WNK1: variants seen among roughly 807,000 people sequenced by gnomAD.
WNK1 encodes WNK lysine deficient protein kinase 1.
WNK1 carries 38 observed loss-of-function variants against 222.8 expected under a neutral mutation model. The observed-to-expected ratio is 0.17, with a 90% CI of 0.13 to 0.22. WNK1 has a LOEUF of 0.22. WNK1 is among the 10% of genes least tolerant of loss of function. WNK1 has a pLI of 1.00. For missense variants in WNK1, 2,348 were observed against 2,918.4 expected, an observed-to-expected ratio of 0.80 and a Z score of 4.50; for synonymous variants, 1,090 against 1,092.9, an observed-to-expected ratio of 1.00 and a Z score of 0.05.
chr12:836,788 G>T (rs1227832714), intron 4 of WNK1, among the ~76,000 whole-genome samples: 2 of 152,112 alleles, frequency 1.3e-5, no homozygotes, highest in Non-Finnish European at 2.9e-5. Context: ...AATTTTTGAA[G>T]TTTGTTTATA....
intron 22 of WNK1, among the ~76,000 whole-genome samples, chr12:894,160 A>G (rs1307587052): frequency 2.6e-5 from 4 of 151,844 alleles, no homozygotes; most frequent in African/African-American, 9.7e-5. Context: ...GGAGGTTGCA[A>G]TGAGCTGAGA....
intron 4 of WNK1, among the ~76,000 whole-genome samples, chr12:856,470 T>C (rs6489758): frequency 6.9e-6 from 1 of 144,248 alleles, no homozygotes; most frequent in East Asian, 2.0e-4. Context: ...AAAAAAAAAA[T>C]AAGAAAGAAT....
At chr12:850,064 A>G (rs1208609505) in intron 4 of WNK1, among the ~76,000 whole-genome samples, 2 of 151,952 alleles carry the variant, frequency 1.3e-5, no homozygotes, top group Non-Finnish European at 2.9e-5. Flanking sequence ...ATGATTTATA[A>G]TCCTTTGGGT....
At chr12:824,835 C>T (rs1948225363) in intron 2 of WNK1, among the ~76,000 whole-genome samples, 1 of 151,934 alleles carries the variant, frequency 6.6e-6, no homozygotes, top group African/African-American at 2.4e-5. Flanking sequence ...AGTGAGCACA[C>T]ACTCAGCACC....
intron 1 of WNK1, among the ~76,000 whole-genome samples, chr12:796,483 A>G (rs903841794): frequency 1.4e-4 from 22 of 152,144 alleles, no homozygotes; most frequent in African/African-American, 5.3e-4. Flanking sequence ...GAATATAATC[A>G]GAATTCTTAA....
At chr12:886,646 A>C (rs72650737) in intron 19 of WNK1, among the ~76,000 whole-genome samples, 1 of 152,228 alleles carries the variant, frequency 6.6e-6, no homozygotes, top group African/African-American at 2.4e-5. Context: ...CACCTTCTCC[A>C]AATAACAAGG....
At chr12:817,473 T>C (rs1001100197) in intron 2 of WNK1, among the ~76,000 whole-genome samples, 1 of 152,228 alleles carries the variant, frequency 6.6e-6, no homozygotes, top group Non-Finnish European at 1.5e-5. Flanking sequence ...AATGGATAAC[T>C]AGGACCATTG....
intron 4 of WNK1, among the ~76,000 whole-genome samples, chr12:856,119 G>A (rs1170078520): frequency 1.3e-5 from 2 of 151,792 alleles, no homozygotes; most frequent in Non-Finnish European, 2.9e-5. Context: ...GATTACAGGT[G>A]TGAGCCACGG....
At chr12:790,536 A>G (rs899723960) in intron 1 of WNK1, among the ~76,000 whole-genome samples, 4 of 152,126 alleles carry the variant, frequency 2.6e-5, no homozygotes, top group Non-Finnish European at 4.4e-5. Flanking sequence ...AGGATAGTAA[A>G]CATACTTAAC....
chr12:867,789 A>T (rs1157089473), intron 8 of WNK1: 1 of 1,520,846 alleles, frequency 6.6e-7, no homozygotes, highest in Non-Finnish European at 9.1e-7. Context: ...GGTTACACAG[A>T]ACTACCCAGT....
At position 880,837 on chromosome 12, in the gene WNK1, A is replaced by C. The variant is rs995813769; in HGVS notation, c.2949A>C (p.Glu983Asp). 7 of 1,614,072 alleles carry C rather than the reference A, an allele frequency of 4.3e-6. No individual in the cohort carries two copies. In the Admixed American group the frequency reaches 1.2e-4, roughly 27 times the overall value. ...TCCTATCCCCTCCCATGCCGACAGA[A>C]GTACTGGCTACACCTGGGTACTTTC... is the stretch of plus-strand genomic sequence containing the variant. ...STVLSPPMPT[E>D]VLATPGYFPT... Residue 983 changes from glutamate to aspartate, a missense_variant, in exon 12 of 28, where the codon GAA becomes GAC. Physicochemically the swap from Glu to Asp is conservative, Grantham distance 45. Coordinates refer to ENST00000315939, the MANE Select transcript of WNK1 (RefSeq NM_018979.4).
chr12:875,031 A>G (rs1400797378), intron 9 of WNK1, among the ~76,000 whole-genome samples: 1 of 152,206 alleles, frequency 6.6e-6, no homozygotes, highest in Non-Finnish European at 1.5e-5. Context: ...AGGCCAGAAG[A>G]TAAAAAAATT....
chr12:794,336 G>A (rs1945110267), intron 1 of WNK1, among the ~76,000 whole-genome samples: 2 of 152,148 alleles, frequency 1.3e-5, no homozygotes, highest in Admixed American at 1.3e-4. Context: ...CTGCAAACCT[G>A]TTTTTCAAGG....
intron 4 of WNK1, among the ~76,000 whole-genome samples, chr12:841,555 C>T (rs1208876741): frequency 2.6e-5 from 4 of 152,152 alleles, no homozygotes; most frequent in African/African-American, 9.7e-5. Flanking sequence ...CAATGTTAAA[C>T]TGCTTGACTC....
chr12:806,716 A>T (rs1946393228), intron 1 of WNK1, among the ~76,000 whole-genome samples: 1 of 152,182 alleles, frequency 6.6e-6, no homozygotes, highest in African/African-American at 2.4e-5. Context: ...GGAAATAGGG[A>T]ATGAGTGATT....
rs1952782195 is a variant in WNK1 at position 877,985 on chromosome 12, A to G, written c.2224-227A>G. The G allele has an allele frequency of 8.8e-6, 5 of 565,568 alleles. No homozygotes were observed. In the East Asian group the frequency reaches 1.6e-4, roughly 18 times the overall value. The allele number at this position is 565,568 out of a possible 1,614,324, so 35.0% of individuals were successfully genotyped here. A position where few individuals can be genotyped will look rare whatever the true frequency, so the allele number is the denominator to read the frequency against. On this transcript the variant is annotated intron_variant, in intron 9 of 27. Transcript: ENST00000315939. Reference sequence around the variant, plus strand: ...ATAATTGGGTGAAGAGCCAATGGTAACTTGAGTATTAAAAGATTGGTTAAT... The same window carrying G: ...ATAATTGGGTGAAGAGCCAATGGTAGCTTGAGTATTAAAAGATTGGTTAAT...
At chr12:810,619 T>A (rs890666362) in intron 1 of WNK1, among the ~76,000 whole-genome samples, 1 of 152,254 alleles carries the variant, frequency 6.6e-6, no homozygotes, top group African/African-American at 2.4e-5. Context: ...AAGTGAACAA[T>A]AGCAAAGGAT....
chr12:859,464 G>T lies in WNK1; in HGVS notation c.1620G>T (p.Met540Ile). The T allele has an allele frequency of 6.2e-7, 1 of 1,606,814 alleles. No individual in the cohort carries two copies. The highest frequency in any genetic ancestry group is 1.1e-5 in the South Asian group (1 of 90,586). The change falls in exon 6 of 28, where the codon ATG (methionine) becomes ATT (isoleucine). Residue 540 changes from methionine (M) to isoleucine (I), a missense_variant and splice_region_variant. Around this residue, in one of 13 missense-constraint regions of WNK1, gnomAD observed 103 missense variants for 111.5 expected, o/e 0.92. Transcript: ENST00000315939. ...TCCCAGAAGATGTTGCACAAGAAATGGTAAATTGACATTAGCCATTTTAAA... is the reference window on the plus strand; with the variant it reads ...TCCCAGAAGATGTTGCACAAGAAATTGTAAATTGACATTAGCCATTTTAAA... Reference protein sequence around the residue: ...RDVPEDVAQEMVESGYVCEGD... With the variant: ...RDVPEDVAQEIVESGYVCEGD...
chr12:804,702 T>C (rs1321601086), intron 1 of WNK1, among the ~76,000 whole-genome samples: 1 of 152,036 alleles, frequency 6.6e-6, no homozygotes, highest in Non-Finnish European at 1.5e-5. Context: ...TCTTAAAAAC[T>C]GAGTCCCCAT....
Sources: allele counts gnomAD v4.1 joint callset (sites outside exome capture counted in the v4.1 genomes callset), GRCh38; gene constraint gnomAD v4.1.1; regional missense constraint gnomAD v4.1.1; transcripts MANE v1.5; gene names NCBI Gene and HGNC (gene_info 2026-07-23, HGNC 2026-07-21).